CHRD: variants seen among roughly 807,000 people sequenced by gnomAD.
CHRD encodes chordin.
A neutral mutation model predicts 113.7 loss-of-function variants in CHRD; 69 were observed. The observed-to-expected ratio is 0.61, with a 90% CI of 0.50 to 0.74. The LOEUF (loss-of-function observed/expected upper bound fraction) is 0.74. Ranked by LOEUF, CHRD falls within the 30% of genes least tolerant of loss-of-function variation. The probability of loss-of-function intolerance (pLI) is 0.00; values close to 1 mark genes in which losing one functional copy is unlikely to be tolerated. For synonymous variants in CHRD, 561 were observed against 540.8 expected, an observed-to-expected ratio of 1.04 and a Z score of -0.52; for missense variants, 1,194 against 1,295.8, an observed-to-expected ratio of 0.92 and a Z score of 1.21.
intron 14 of CHRD, among the ~76,000 whole-genome samples, chr3:184,385,634 C>G (rs1330830413): frequency 2.2e-5 from 3 of 133,800 alleles, no homozygotes; most frequent in Non-Finnish European, 4.6e-5. Flanking sequence ...CCATTGCACT[C>G]CAGCCTGGAC....
At chr3:184,385,024 C>T in exon 14 of CHRD, 2 of 1,613,862 alleles carry the variant, frequency 1.2e-6, no homozygotes, top group South Asian at 2.2e-5. Flanking sequence ...CCAGCGCTGC[C>T]CGTGCCCCTA....
In CHRD at chr3:184,386,322, CA is replaced by C. The variant is rs1302656354; in HGVS notation, c.1932+164del. On this transcript the variant is annotated intron_variant, in intron 15 of 22. Transcript: ENST00000204604. Reference sequence around the variant, plus strand: ...AGGATGAGCTACATGAGGAGGCTGGCAGCCCGGCACCCTATCCCTGGCAGCT... The same window carrying C: ...AGGATGAGCTACATGAGGAGGCTGGCGCCCGGCACCCTATCCCTGGCAGCT... The C allele has an allele frequency of 1.5e-5, 18 of 1,226,644 alleles. No individual in the cohort carries two copies. The East Asian group carries it at 4.1e-4, about 28-fold the overall frequency. The allele number at this position is 1,226,644 out of a possible 1,614,324, so 76.0% of individuals were successfully genotyped here.
chr3:184,388,407 C>G lies in CHRD; in HGVS notation c.2555-180C>G, dbSNP rs1716702249. ...TTGATGCATCCATCCATCCATCCAT[C>G]CATCCATCCATCCATCCATCCATCC... On this transcript the variant is annotated intron_variant, in intron 20 of 22. Coordinates refer to ENST00000204604, the Ensembl canonical transcript of CHRD. The surrounding 1 kb of genome is among the most constrained non-coding windows in gnomAD (Gnocchi z 6.1). 6.6e-6 allele frequency among the ~76,000 whole-genome samples: 1 copy of G among 151,142 alleles called. No individual in the cohort carries two copies. Among genetic ancestry groups the G allele is most frequent in the Non-Finnish European group, 1.5e-5 (1 of 67,954 alleles).
At position 184,388,844 on chromosome 3, in the gene CHRD, G is replaced by T. The variant is rs777473808; in HGVS notation, c.2710-49G>T. ...CCCTGAAGAAGCTGAAGGTCACTGTGTCCCAGTGCCTCTGGGGGACACTCA... is the reference window on the plus strand; with the variant it reads ...CCCTGAAGAAGCTGAAGGTCACTGTTTCCCAGTGCCTCTGGGGGACACTCA... On this transcript the variant is annotated intron_variant, in intron 21 of 22. Transcript: ENST00000204604. The surrounding 1 kb of genome is among the most constrained non-coding windows in gnomAD (Gnocchi z 6.1). The T allele has an allele frequency of 1.2e-6, 2 of 1,605,378 alleles. No homozygotes were observed. The highest frequency in any genetic ancestry group is 1.7e-6 in the Non-Finnish European group (2 of 1,173,230).
Position 184,387,358 on chromosome 3 carries a change from C to A in CHRD, c.2348-16C>A. The A allele has an allele frequency of 1.2e-6, 2 of 1,600,422 alleles. No homozygotes were observed. Among genetic ancestry groups the A allele is most frequent in the South Asian group, 1.1e-5 (1 of 88,384 alleles). ...TGAGCTCATACTAATGGCTGCTGGG[C>A]CCTGTTCCCCACCAGGCTGCTATTT... On this transcript the variant is annotated splice_polypyrimidine_tract_variant and intron_variant, in intron 18 of 22. Coordinates refer to ENST00000204604, the Ensembl canonical transcript of CHRD. This position sits in a 1 kb window ranked among gnomAD's most constrained non-coding sequence, Gnocchi z 6.1.
chr3:184,389,527 G>T, exon 23 of CHRD: 1 of 1,027,942 alleles, frequency 9.7e-7, no homozygotes, highest in Non-Finnish European at 1.5e-6. Flanking sequence ...CAGTGCCTTT[G>T]CTCCTCTGTC....
At chr3:184,382,017 C>T in exon 6 of CHRD, 1 of 1,613,818 alleles carries the variant, frequency 6.2e-7, no homozygotes, top group South Asian at 1.1e-5. Context: ...CCCAAGATGG[C>T]CTGGTGAGAT....
At chr3:184,385,564 G>A (rs1716143285) in intron 14 of CHRD, among the ~76,000 whole-genome samples, 2 of 151,236 alleles carry the variant, frequency 1.3e-5, no homozygotes, top group Non-Finnish European at 2.9e-5. Context: ...TACTCCAGAG[G>A]CTGAGGCAGG....
Position 184,387,935 on chromosome 3 carries a change from G to T in CHRD, c.2456G>T (p.Gly819Val), listed in dbSNP as rs752848515. 15 of 1,611,304 alleles carry T rather than the reference G, an allele frequency of 9.3e-6. No individual in the cohort carries two copies. In the South Asian group the frequency reaches 1.7e-4, roughly 18 times the overall value. ...TTGCTCAATGGATCCCTACAGGGGGGCACTGGAGAGGTGCACTGTGAGAAG... is the reference window on the plus strand; with the variant it reads ...TTGCTCAATGGATCCCTACAGGGGGTCACTGGAGAGGTGCACTGTGAGAAG... The change falls in exon 20 of 23, where the codon GGC becomes GTC. Residue 819 changes from glycine to valine, a missense_variant. Transcript: ENST00000204604. The surrounding 1 kb of genome is among the most constrained non-coding windows in gnomAD (Gnocchi z 6.1).
At chr3:184,383,440 A>C in intron 11 of CHRD, 22 bp downstream of exon 11, 1 of 1,613,076 alleles carries the variant, frequency 6.2e-7, no homozygotes, top group Non-Finnish European at 8.5e-7. Flanking sequence ...GGGCTGCAGA[A>C]GGTGGGGGAG....
downstream of CHRD, chr3:184,390,447 G>A (rs1048785872): frequency 6.6e-6 from 1 of 151,738 alleles, no homozygotes; most frequent in African/African-American, 2.4e-5. Flanking sequence ...ACACTTTTCT[G>A]TTTTTTTCCT....
In CHRD at chr3:184,384,183, GAGAACA is replaced by G. The variant is rs1020193937; in HGVS notation, c.1441-353_1441-348del. The stretch of plus-strand genomic sequence containing the variant: ...CAGTCAAATGGGAGCATTGGACCTG[GAGAACA>G]GTGCCACAGGCCACATATTAGTAAA... On this transcript the variant is annotated intron_variant, in intron 12 of 22. Coordinates refer to ENST00000204604, the Ensembl canonical transcript of CHRD. This position sits in a 1 kb window ranked among gnomAD's most constrained non-coding sequence, Gnocchi z 4.4. Among the ~76,000 whole-genome samples, 1 of 152,218 alleles carries G rather than the reference GAGAACA, an allele frequency of 6.6e-6. No homozygotes were observed. The highest frequency in any genetic ancestry group is 1.5e-5 in the Non-Finnish European group (1 of 68,038).
At chr3:184,382,068 C>A in intron 6 of CHRD, 48 bp downstream of exon 6, 1 of 1,603,854 alleles carries the variant, frequency 6.2e-7, no homozygotes, top group South Asian at 1.1e-5. Context: ...GGCACTGTGC[C>A]GAGAGCATGC....
In CHRD at chr3:184,380,704, G is replaced by A. The variant is rs775787241; in HGVS notation, c.161G>A (p.Gly54Asp). 6.3e-7 allele frequency: 1 copy of A among 1,588,882 alleles called. No individual in the cohort carries two copies. Among genetic ancestry groups the A allele is most frequent in the Non-Finnish European group, 8.5e-7 (1 of 1,173,502 alleles). Residue 54 changes from glycine (G) to aspartate (D), a missense_variant, in exon 2 of 23, where the codon GGC becomes GAC. Transcript: ENST00000204604. The surrounding 1 kb of genome is among the most constrained non-coding windows in gnomAD (Gnocchi z 6.3). ...CCCGTCCCCGCAGGCTGCACCTTCG[G>A]CGGGAAGGTCTATGCCTTGGACGAG...
Position 184,380,737 on chromosome 3 carries a change from A to G in CHRD, c.194A>G (p.His65Arg). ...GTCTATGCCTTGGACGAGACGTGGC[A>G]CCCGGACCTAGGGGAGCCATTCGGG... Residue 65 changes from histidine (H) to arginine (R), a missense_variant, in exon 2 of 23, where the codon CAC (histidine) becomes CGC (arginine). Coordinates refer to ENST00000204604, the Ensembl canonical transcript of CHRD. The surrounding 1 kb of genome is among the most constrained non-coding windows in gnomAD (Gnocchi z 6.3). 1 of 1,599,452 alleles carries G rather than the reference A, an allele frequency of 6.3e-7. No homozygotes were observed. Among genetic ancestry groups the G allele is most frequent in the Non-Finnish European group, 8.5e-7 (1 of 1,176,956 alleles).
rs778898465 is a variant in CHRD, at chr3:184,389,389, T to C, written c.2835T>C (p.Asp945=). ...CAGCAGCCCCAGAGACCAGAACTGA[T>C]CCAGAGCTGGAGAAAGAAGCCGAAG... The change falls in exon 23 of 23, where the codon GAT becomes GAC. Residue 945 remains aspartate (D), a synonymous_variant. Coordinates refer to ENST00000204604, the Ensembl canonical transcript of CHRD. 5 of 1,613,584 alleles carry C rather than the reference T, an allele frequency of 3.1e-6. No homozygotes were observed. The South Asian group carries it at 5.5e-5, about 18-fold the overall frequency.
At chr3:184,389,927 TTG>T (rs1716936026), downstream of CHRD, 1 of 154,836 alleles carries the variant, frequency 6.5e-6, no homozygotes, top group Admixed American at 6.3e-5. Flanking sequence ...GCTCTGACAC[TTG>T]GGGAGCTGAA....
Position 184,381,248 on chromosome 3 carries a change from G to A in CHRD, c.266G>A (p.Arg89His). 1 of 1,613,358 alleles carries A rather than the reference G, an allele frequency of 6.2e-7. No homozygotes were observed. Among genetic ancestry groups the A allele is most frequent in the South Asian group, 1.1e-5 (1 of 91,082 alleles). ...TTCCGGGAGCAGCCTCAGTGGGGTCGCCGTACCAGGGGCCCTGGCAGGGTC... is the reference window on the plus strand; with the variant it reads ...TTCCGGGAGCAGCCTCAGTGGGGTCACCGTACCAGGGGCCCTGGCAGGGTC... Residue 89 changes from arginine (R) to histidine (H), a missense_variant, in exon 3 of 23, where the codon CGC (arginine) becomes CAC (histidine). Transcript: ENST00000204604. The surrounding 1 kb of genome is among the most constrained non-coding windows in gnomAD (Gnocchi z 4.7).
Position 184,383,340 on chromosome 3 carries a change from T to C in CHRD, c.1242T>C (p.Asp414=), listed in dbSNP as rs1345319664. The change falls in exon 11 of 23, where the codon GAT becomes GAC. Residue 414 remains aspartate, a synonymous_variant. Transcript: ENST00000204604. ...TGCAAAGTGTCCTTTGTGGGGCTGA[T>C]GCCCTGATCCCAGTCCAGACGGGTG... The C allele has an allele frequency of 2.5e-6, 4 of 1,613,870 alleles. No individual in the cohort carries two copies. In the South Asian group the frequency reaches 4.4e-5, roughly 18 times the overall value.
Sources: allele counts gnomAD v4.1 joint callset (sites outside exome capture counted in the v4.1 genomes callset), GRCh38; gene constraint gnomAD v4.1.1; non-coding constraint Gnocchi (gnomAD v3.1); transcripts MANE v1.5; gene names NCBI Gene and HGNC (gene_info 2026-07-23, HGNC 2026-07-21).